Variants in TAMM41 observed in about 807,000 individuals in gnomAD.
TAMM41 encodes phosphatidate cytidylyltransferase, mitochondrial.
TAMM41 carries 36 observed loss-of-function variants against 44.1 expected under a neutral mutation model. The ratio of observed to expected loss-of-function variants is 0.82; its 90% CI spans 0.63 to 1.08. The LOEUF is 1.08. Ranked by LOEUF, TAMM41 falls within the 50% of genes least tolerant of loss-of-function variation. TAMM41 has a pLI of 0.00. For missense variants in TAMM41, 417 were observed against 404.3 expected, an observed-to-expected ratio of 1.03 and a Z score of -0.27; for synonymous variants, 164 against 153.1, an observed-to-expected ratio of 1.07 and a Z score of -0.53.
chr3:11,802,603 A>G (rs2077786539), intron 7 of TAMM41, among the ~76,000 whole-genome samples: 1 of 152,220 alleles, frequency 6.6e-6, no homozygotes, highest in African/African-American at 2.4e-5. Context: ...ATGGAGTCAC[A>G]GCTGAACTCT....
chr3:11,735,932 G>A, the TAMM41 span, among the ~76,000 whole-genome samples: 3 of 152,172 alleles, frequency 2.0e-5, no homozygotes, highest in Admixed American at 6.5e-5. Context: ...GGGTTGGAAT[G>A]AGAGATTCAA....
the TAMM41 span, among the ~76,000 whole-genome samples, chr3:11,723,159 G>A: frequency 6.6e-6 from 1 of 151,510 alleles, no homozygotes; most frequent in Admixed American, 6.6e-5. Flanking sequence ...TAAAAATTGA[G>A]GGGATGATGA....
At chr3:11,813,728 C>A (rs1264861643) in intron 5 of TAMM41, among the ~76,000 whole-genome samples, 2 of 151,760 alleles carry the variant, frequency 1.3e-5, no homozygotes, top group African/African-American at 4.8e-5. Context: ...GCAGGAGGAT[C>A]GCTTGAGCCC....
At chr3:11,722,742 G>A in the TAMM41 span, among the ~76,000 whole-genome samples, 1 of 151,904 alleles carries the variant, frequency 6.6e-6, no homozygotes, top group African/African-American at 2.4e-5. Flanking sequence ...AGGCCAAGGT[G>A]GGCGAATCAC....
intron 5 of TAMM41, among the ~76,000 whole-genome samples, chr3:11,816,777 A>G (rs971450700): frequency 1.3e-5 from 2 of 151,720 alleles, no homozygotes; most frequent in African/African-American, 2.4e-5. Flanking sequence ...GTCCCCCCAA[A>G]AAAAGAAAAA....
At chr3:11,843,277 T>G (rs1416856675) in intron 2 of TAMM41, among the ~76,000 whole-genome samples, 1 of 152,206 alleles carries the variant, frequency 6.6e-6, no homozygotes, top group Non-Finnish European at 1.5e-5. Context: ...GCTTCAGCAC[T>G]GTTTGGAAGT....
chr3:11,774,044 T>C, the TAMM41 span, among the ~76,000 whole-genome samples: 1 of 152,132 alleles, frequency 6.6e-6, no homozygotes, highest in Non-Finnish European at 1.5e-5. Context: ...GCCAAGATCA[T>C]GCCACTGTAC....
chr3:11,803,125 A>G (rs1258869942), intron 7 of TAMM41, among the ~76,000 whole-genome samples: 1 of 152,212 alleles, frequency 6.6e-6, no homozygotes, highest in Non-Finnish European at 1.5e-5. Flanking sequence ...TACAAAAATT[A>G]GCCAGGCATG....
At chr3:11,767,626 A>ATTTTTTTTTTTTTT in the TAMM41 span, among the ~76,000 whole-genome samples, 63 of 60,698 alleles carry the variant, frequency 1.0e-3, 21 homozygotes, top group African/African-American at 2.4e-3. Flanking sequence ...CACGTTGTGC[A>ATTTTTTTTTTTTTT]TTTTTTTTTT....
At chr3:11,740,425 T>A in the TAMM41 span, among the ~76,000 whole-genome samples, 1 of 152,154 alleles carries the variant, frequency 6.6e-6, no homozygotes, top group Non-Finnish European at 1.5e-5. Flanking sequence ...ACAACTCTGG[T>A]GCAACATCAC....
chr3:11,723,432 T>C, the TAMM41 span, among the ~76,000 whole-genome samples: 1 of 151,888 alleles, frequency 6.6e-6, no homozygotes, highest in African/African-American at 2.4e-5. Flanking sequence ...ATCCAAAAAT[T>C]AGCTGGGCGT....
intron 7 of TAMM41, among the ~76,000 whole-genome samples, chr3:11,802,627 AG>A (rs1395132408): frequency 1.3e-5 from 2 of 152,218 alleles, no homozygotes; most frequent in Non-Finnish European, 2.9e-5. Context: ...AAACACAGAA[AG>A]AATGAATACC....
intron 6 of TAMM41, 183 bp from the exon 7 acceptor site, chr3:11,808,078 G>C (rs2077972825): frequency 3.2e-6 from 4 of 1,246,206 alleles, no homozygotes; most frequent in Middle Eastern, 2.8e-4. Flanking sequence ...CAGGAGACCA[G>C]AGCAGCCAGC....
At chr3:11,766,348 G>A in the TAMM41 span, among the ~76,000 whole-genome samples, 1 of 151,892 alleles carries the variant, frequency 6.6e-6, no homozygotes, top group East Asian at 1.9e-4. Context: ...GTATTTTTTT[G>A]TAGAGACGGG....
chr3:11,763,780 T>C, the TAMM41 span, among the ~76,000 whole-genome samples: 5,899 of 152,324 alleles, frequency 0.039, 175 homozygotes, highest in Non-Finnish European at 0.059. Flanking sequence ...AGTCACACAA[T>C]GGATAAAGGG....
intron 3 of TAMM41, 71 bp from the exon 4 acceptor site, chr3:11,829,935 C>T: frequency 6.9e-7 from 1 of 1,446,166 alleles, no homozygotes; most frequent in South Asian, 1.2e-5. Flanking sequence ...GTTACAAATG[C>T]ACTGGAACTA....
At chr3:11,759,931 G>A in the TAMM41 span, among the ~76,000 whole-genome samples, 5 of 151,756 alleles carry the variant, frequency 3.3e-5, no homozygotes, top group East Asian at 1.9e-4. Flanking sequence ...CCGAGATCGC[G>A]CCATTGCACT....
chr3:11,754,051 G>A, the TAMM41 span, among the ~76,000 whole-genome samples: 1 of 152,078 alleles, frequency 6.6e-6, no homozygotes, highest in Non-Finnish European at 1.5e-5. Flanking sequence ...CCTAAGTGCT[G>A]CTGTTCTCCC....
downstream of TAMM41, among the ~76,000 whole-genome samples, chr3:11,788,442 C>T (rs1475639978): frequency 1.3e-5 from 2 of 152,258 alleles, no homozygotes; most frequent in African/African-American, 4.8e-5. Flanking sequence ...TGTGCCACCA[C>T]ATCTAGCTAA....
Sources: gnomAD v4.1 joint callset for allele counts (sites outside exome capture counted in the v4.1 genomes callset) on GRCh38, gnomAD v4.1.1 for gene constraint, MANE v1.5 for transcripts, NCBI Gene and HGNC (gene_info 2026-07-23, HGNC 2026-07-21) for gene names.